FRMPD4: variants seen among roughly 807,000 people sequenced by gnomAD.
FRMPD4 encodes the protein FERM and PDZ domain containing 4.
Under a neutral mutation model 94.1 loss-of-function variants are expected in FRMPD4, and 22 were observed. That is an observed-to-expected ratio of 0.23 (90% CI 0.17 to 0.33). The LOEUF (loss-of-function observed/expected upper bound fraction) is 0.33, where lower values mean the gene tolerates loss of function less well. FRMPD4 is among the 10% of genes least tolerant of loss of function. The pLI is 1.00. For missense variants in FRMPD4, 1,111 were observed against 1,339.9 expected (o/e 0.83, Z 2.67); for synonymous variants, 631 against 548.6 (o/e 1.15, Z -2.10).
At chrX:12,695,217 C>T (rs929710230) in intron 9 of FRMPD4, among the ~76,000 whole-genome samples, 3 of 111,340 alleles carry the variant, frequency 2.7e-5, no homozygotes, top group Non-Finnish European at 5.6e-5. Context: ...AAGAACAACG[C>T]GAGTGACTTT....
chrX:11,916,960 G>A (rs759745592), intron 3 of FRMPD4, among the ~76,000 whole-genome samples: 1 of 111,703 alleles, frequency 9.0e-6, no homozygotes, highest in Non-Finnish European at 1.9e-5. Context: ...GTGAACTGGG[G>A]AAATACTGGG....
chrX:12,138,801 C>T lies in FRMPD4; in HGVS notation c.-171C>T, dbSNP rs756153978. 9 of 366,291 alleles carry T rather than the reference C, an allele frequency of 2.5e-5. No individual in the cohort carries two copies. Among genetic ancestry groups the T allele is most frequent in the Non-Finnish European group, 4.2e-5 (9 of 216,388 alleles). The allele number at this position is 366,291 out of a possible 1,213,427, so 30.2% of individuals were successfully genotyped here. On this transcript the variant is annotated 5_prime_UTR_variant, in exon 1 of 17. Transcript: ENST00000675598. Reference sequence around the variant, plus strand: ...GCAGCTCGCGGCCGGAGGGGGGTAGCAGCCGCCGCCTCCAGGTGCAGGTTC... The same window carrying T: ...GCAGCTCGCGGCCGGAGGGGGGTAGTAGCCGCCGCCTCCAGGTGCAGGTTC...
chrX:12,058,565 G>A (rs761025949), intron 3 of FRMPD4, among the ~76,000 whole-genome samples: 1 of 111,386 alleles, frequency 9.0e-6, no homozygotes, highest in Admixed American at 9.6e-5. Flanking sequence ...ATACCATGAT[G>A]TGGTGTACAA....
chrX:12,577,845 G>T (rs66668679), intron 2 of FRMPD4, among the ~76,000 whole-genome samples: 2 of 111,546 alleles, frequency 1.8e-5, no homozygotes, highest in African/African-American at 3.3e-5. Context: ...CCTACCTATT[G>T]GGGTATTATT....
intron 1 of FRMPD4, among the ~76,000 whole-genome samples, chrX:12,472,889 G>T (rs1307099604): frequency 1.8e-5 from 2 of 111,078 alleles, no homozygotes; most frequent in African/African-American, 3.4e-5. Context: ...AAAACACTCT[G>T]CAGGATATTA....
intron 1 of FRMPD4, among the ~76,000 whole-genome samples, chrX:12,210,169 A>G (rs978160116): frequency 1.8e-5 from 2 of 112,138 alleles, no homozygotes; most frequent in Admixed American, 1.9e-4. Context: ...AAGTTAGTCA[A>G]CAAGAAATGC....
intron 3 of FRMPD4, among the ~76,000 whole-genome samples, chrX:12,002,151 G>A (rs2054527835): frequency 9.0e-6 from 1 of 111,667 alleles, no homozygotes; most frequent in Non-Finnish European, 1.9e-5. Context: ...CATGCATTCT[G>A]TAGAGCATTT....
intron 1 of FRMPD4, among the ~76,000 whole-genome samples, chrX:12,263,167 G>T (rs1212669334): frequency 9.0e-6 from 1 of 111,689 alleles, no homozygotes; most frequent in Non-Finnish European, 1.9e-5. Flanking sequence ...GGTACTTGGG[G>T]GGATGAGTGT....
chrX:11,868,208 A>C (rs1247558755), intron 2 of FRMPD4, among the ~76,000 whole-genome samples: 2 of 111,868 alleles, frequency 1.8e-5, no homozygotes, highest in Non-Finnish European at 3.8e-5. Flanking sequence ...CACTTGGGCC[A>C]GTCCCTTTGG....
chrX:11,830,392 C>T (rs981332495), intron 1 of FRMPD4, among the ~76,000 whole-genome samples: 7 of 111,364 alleles, frequency 6.3e-5, no homozygotes, highest in Non-Finnish European at 1.3e-4. Flanking sequence ...CTCTTTTTCA[C>T]TCTCATATTT....
chrX:12,710,115 G>A (rs907192573), intron 13 of FRMPD4, among the ~76,000 whole-genome samples: 13 of 102,067 alleles, frequency 1.3e-4, no homozygotes, highest in Non-Finnish European at 2.4e-4. Flanking sequence ...GCGACAGAGC[G>A]AGACCCTGTC....
chrX:12,330,040 C>A (rs1482609382), intron 1 of FRMPD4, among the ~76,000 whole-genome samples: 1 of 110,619 alleles, frequency 9.0e-6, no homozygotes, highest in Admixed American at 9.7e-5. Context: ...AATTATACAC[C>A]TTTTTACAGG....
intron 3 of FRMPD4, among the ~76,000 whole-genome samples, chrX:12,107,046 G>C (rs1171407142): frequency 8.9e-6 from 1 of 111,807 alleles, no homozygotes; most frequent in Non-Finnish European, 1.9e-5. Flanking sequence ...GCTTTGAATA[G>C]AGTAGTGGTT....
At chrX:12,050,431 G>A (rs1231572047) in intron 3 of FRMPD4, among the ~76,000 whole-genome samples, 2 of 111,480 alleles carry the variant, frequency 1.8e-5, no homozygotes, top group East Asian at 5.6e-4. Context: ...ATATAACCGA[G>A]GTGTGAATTA....
At chrX:12,171,995 A>G (rs189117822) in intron 1 of FRMPD4, among the ~76,000 whole-genome samples, 2 of 111,249 alleles carry the variant, frequency 1.8e-5, no homozygotes, top group Admixed American at 1.9e-4. Context: ...TACACTGGTT[A>G]TGCCCTTTAG....
chrX:11,861,983 C>T (rs1053354784), intron 1 of FRMPD4, among the ~76,000 whole-genome samples: 3 of 111,149 alleles, frequency 2.7e-5, no homozygotes, highest in African/African-American at 9.8e-5. Flanking sequence ...AAAGGAGAAG[C>T]AGGTACGTCT....
chrX:12,651,772 A>T (rs950361003), intron 4 of FRMPD4, among the ~76,000 whole-genome samples: 1 of 112,048 alleles, frequency 8.9e-6, no homozygotes, highest in Non-Finnish European at 1.9e-5. Context: ...ATCAAACATA[A>T]ATATCTTCCA....
chrX:12,531,101 G>C (rs781223901), intron 2 of FRMPD4, among the ~76,000 whole-genome samples: 1 of 112,496 alleles, frequency 8.9e-6, no homozygotes, highest in South Asian at 3.7e-4. Context: ...TGGTAATCCA[G>C]TGGCTTTGAT....
chrX:12,679,025 G>C (rs998710975), intron 5 of FRMPD4, among the ~76,000 whole-genome samples: 25 of 112,089 alleles, frequency 2.2e-4, no homozygotes, highest in African/African-American at 8.1e-4. Context: ...GTTCCACACA[G>C]CTGAGAGAGG....
Sources: gnomAD v4.1 joint callset for allele counts (sites outside exome capture counted in the v4.1 genomes callset) on GRCh38, gnomAD v4.1.1 for gene constraint, MANE v1.5 for transcripts, NCBI Gene and HGNC (gene_info 2026-07-23, HGNC 2026-07-21) for gene names.